Variants in SLC9A1 observed in about 807,000 individuals in gnomAD.
SLC9A1 encodes the protein solute carrier family 9 member A1, also known as sodium/hydrogen exchanger 1.
Under a neutral mutation model 67.9 loss-of-function variants are expected in SLC9A1, and 22 were observed. The ratio of observed to expected loss-of-function variants is 0.32; its 90% CI spans 0.23 to 0.46. The LOEUF is 0.46. SLC9A1 is among the 20% of genes least tolerant of loss of function. SLC9A1 has a pLI of 1.00. For synonymous variants in SLC9A1, 421 were observed against 471.8 expected (o/e 0.89, Z 1.40); for missense variants, 686 against 1,094.8 (o/e 0.63, Z 5.27).
At chr1:27,102,910 G>A (rs528531234) in intron 6 of SLC9A1, 167 bp from the exon 7 acceptor site, 13 of 659,648 alleles carry the variant, frequency 2.0e-5, no homozygotes, top group Middle Eastern at 4.0e-4. Flanking sequence ...CGAACCCAGC[G>A]GCCCTGACTC....
rs1313849972 is a variant in SLC9A1, at chr1:27,099,022, C to CT, written c.*1284dup. ...CCAGTCCCCTGCAAAAAGGGACACT[C>CT]TGACTATTGCACAATCCTGGGGGAG... On this transcript the variant is annotated 3_prime_UTR_variant, in exon 12 of 12. Transcript: ENST00000263980. 1 of 152,366 alleles carries CT rather than the reference C, an allele frequency of 6.6e-6. No individual in the cohort carries two copies. Among genetic ancestry groups the CT allele is most frequent in the Non-Finnish European group, 1.5e-5 (1 of 68,076 alleles). The allele number at this position is 152,366 out of a possible 1,614,324, so 9.4% of individuals were successfully genotyped here.
At chr1:27,113,061 T>C (rs2083241781) in intron 2 of SLC9A1, among the ~76,000 whole-genome samples, 1 of 152,000 alleles carries the variant, frequency 6.6e-6, no homozygotes, top group Admixed American at 6.6e-5. Context: ...TAACTTAAGA[T>C]ATAGCCAACA....
rs1213573204 is a variant in SLC9A1 at position 27,109,669 on chromosome 1, C to G, written c.922G>C (p.Val308Leu). 1 of 1,613,820 alleles carries G rather than the reference C, an allele frequency of 6.2e-7. No homozygotes were observed. The highest frequency in any genetic ancestry group is 8.5e-7 in the Non-Finnish European group (1 of 1,179,996). Residue 308 changes from valine (V) to leucine (L), a missense_variant, in exon 3 of 12, where the codon GTG becomes CTG. This residue lies in a region of SLC9A1 where 58 missense variants were observed against 68.9 expected (regional missense o/e 0.84). Coordinates refer to ENST00000263980, the MANE Select transcript of SLC9A1 (RefSeq NM_003047.5). This position sits in a 1 kb window ranked among gnomAD's most constrained non-coding sequence, Gnocchi z 5.5. ...GCGATGACCCCGTAGACCACGCCCA[C>G]AAGCACCCCGCCCAGGGCCACCACG... is the stretch of plus-strand genomic sequence containing the variant. ...FFVVALGGVL[V>L]GVVYGVIAAF...
intron 1 of SLC9A1, among the ~76,000 whole-genome samples, chr1:27,140,146 C>T (rs530796886): frequency 1.3e-5 from 2 of 152,066 alleles, no homozygotes; most frequent in East Asian, 1.9e-4. Flanking sequence ...GGAAGCCTTT[C>T]CTGACCCACC....
rs1006189764 is a variant in SLC9A1, at chr1:27,101,937, C to T, written c.1935+79G>A. ...GTCCTGGGGTGGGTGCCGAGGGGCA[C>T]GGGCAGGGCAGGGCTGCCGTAGAGA... On this transcript the variant is annotated intron_variant, in intron 9 of 11. Transcript: ENST00000263980. The surrounding 1 kb of genome is among the most constrained non-coding windows in gnomAD (Gnocchi z 4.9). The T allele has an allele frequency of 6.2e-5, 88 of 1,427,222 alleles. No homozygotes were observed. The highest frequency in any genetic ancestry group is 2.2e-4 in the Middle Eastern group (1 of 4,518). The allele number at this position is 1,427,222 out of a possible 1,614,324, so 88.4% of individuals were successfully genotyped here.
chr1:27,131,338 C>T (rs11811594), intron 1 of SLC9A1, among the ~76,000 whole-genome samples: 2,776 of 149,068 alleles, frequency 0.019, 85 homozygotes, highest in African/African-American at 0.064. Flanking sequence ...CACGCCTGTA[C>T]TCTCAGCACT....
chr1:27,100,369 T>C lies in SLC9A1; in HGVS notation c.2386A>G (p.Ser796Gly), dbSNP rs1468255602. 7.0e-6 allele frequency: 11 copies of C among 1,571,454 alleles called. No homozygotes were observed. The highest frequency in any genetic ancestry group is 9.5e-6 in the Non-Finnish European group (11 of 1,157,226). Residue 796 changes from serine to glycine, a missense_variant, in exon 12 of 12, where the codon AGT becomes GGT. Coordinates refer to ENST00000263980, the MANE Select transcript of SLC9A1 (RefSeq NM_003047.5). The surrounding 1 kb of genome is among the most constrained non-coding windows in gnomAD (Gnocchi z 5.6). ...GGCTCAGGGTGTGGGCCTGGGTCAC[T>C]GAGGCAGCGCTGTATCCTCTGGGAG... The part of the protein sequence containing the change: ...PSSQRIQRCL[S>G]DPGPHPEPGE...
chr1:27,100,357 G>A lies in SLC9A1; in HGVS notation c.2398C>T (p.Pro800Ser). The A allele has an allele frequency of 6.4e-7, 1 of 1,565,272 alleles. No individual in the cohort carries two copies. The highest frequency in any genetic ancestry group is 8.7e-7 in the Non-Finnish European group (1 of 1,154,124). The change falls in exon 12 of 12, where the codon CCA becomes TCA. Residue 800 changes from proline to serine, a missense_variant. Transcript: ENST00000263980. This position sits in a 1 kb window ranked among gnomAD's most constrained non-coding sequence, Gnocchi z 5.6. ...TCTCCCTCCCCAGGCTCAGGGTGTG[G>A]GCCTGGGTCACTGAGGCAGCGCTGT... is the stretch of plus-strand genomic sequence containing the variant. ...RIQRCLSDPGPHPEPGEGEPF... is the reference protein window; with the variant it reads ...RIQRCLSDPGSHPEPGEGEPF...
At chr1:27,129,892 C>G (rs939018095) in intron 1 of SLC9A1, among the ~76,000 whole-genome samples, 36 of 152,294 alleles carry the variant, frequency 2.4e-4, no homozygotes, top group African/African-American at 8.2e-4. Context: ...CCTCATTCTA[C>G]AGCTGAGGAA....
chr1:27,142,529 T>C (rs746242837), intron 1 of SLC9A1, among the ~76,000 whole-genome samples: 1 of 152,238 alleles, frequency 6.6e-6, no homozygotes, highest in African/African-American at 2.4e-5. Flanking sequence ...CCTCAAAGCC[T>C]GTCCACCTTC....
chr1:27,113,818 C>G lies in SLC9A1; in HGVS notation c.813+8G>C, dbSNP rs777716847. ...TTTGGACATGGGCATGGCCCCTGGC[C>G]TCCTCACCACAGTGACGGCGTCATT... On this transcript the variant is annotated splice_region_variant and intron_variant, in intron 2 of 11. Coordinates refer to ENST00000263980, the MANE Select transcript of SLC9A1 (RefSeq NM_003047.5). The G allele has an allele frequency of 6.2e-7, 1 of 1,605,332 alleles. No homozygotes were observed. Among genetic ancestry groups the G allele is most frequent in the South Asian group, 1.1e-5 (1 of 90,208 alleles).
At chr1:27,110,043 C>T (rs1348211174) in intron 2 of SLC9A1, among the ~76,000 whole-genome samples, 1 of 152,236 alleles carries the variant, frequency 6.6e-6, no homozygotes, top group Non-Finnish European at 1.5e-5. Flanking sequence ...ACTGCCTGGA[C>T]TGGAATCCTG....
intron 1 of SLC9A1, among the ~76,000 whole-genome samples, chr1:27,139,405 A>G (rs1423723749): frequency 6.6e-6 from 1 of 152,202 alleles, no homozygotes; most frequent in African/African-American, 2.4e-5. Flanking sequence ...ACTTTCCTAA[A>G]GTAGCTGTAA....
intron 1 of SLC9A1, among the ~76,000 whole-genome samples, chr1:27,152,571 A>G (rs765791808): frequency 1.3e-5 from 2 of 152,172 alleles, no homozygotes; most frequent in Non-Finnish European, 2.9e-5. Flanking sequence ...CAGCTATTCA[A>G]GGTCATGCAT....
At position 27,101,029 on chromosome 1, in the gene SLC9A1, C is replaced by T. The variant is rs1283600825; in HGVS notation, c.2110+174G>A. On this transcript the variant is annotated intron_variant, in intron 11 of 11. Coordinates refer to ENST00000263980, the MANE Select transcript of SLC9A1 (RefSeq NM_003047.5). This position sits in a 1 kb window ranked among gnomAD's most constrained non-coding sequence, Gnocchi z 4.9. ...CACAGTCCTCGCCCGGAACGTCTCT[C>T]TCCCTAGGGATGGCCCCTGACGTAG... 6.6e-6 allele frequency among the ~76,000 whole-genome samples: 1 copy of T among 152,206 alleles called. No individual in the cohort carries two copies. Among genetic ancestry groups the T allele is most frequent in the Admixed American group, 6.5e-5 (1 of 15,286 alleles).
intron 1 of SLC9A1, among the ~76,000 whole-genome samples, chr1:27,133,333 G>A (rs1324620470): frequency 1.3e-5 from 2 of 151,832 alleles, no homozygotes; most frequent in Admixed American, 6.6e-5. Context: ...GCCTCCCAAA[G>A]TGCTGTGATT....
rs983102354 is a variant in SLC9A1 at position 27,144,957 on chromosome 1, C to T, written c.352+9026G>A. ...CCTGCAGCTACTCTGGAGGCTGAGGCAGAATTGCTTGAACCTGGGAGGCAG... is the reference window on the plus strand; with the variant it reads ...CCTGCAGCTACTCTGGAGGCTGAGGTAGAATTGCTTGAACCTGGGAGGCAG... On this transcript the variant is annotated intron_variant, in intron 1 of 11. Transcript: ENST00000263980. Among the ~76,000 whole-genome samples, 19 of 151,160 alleles carry T rather than the reference C, an allele frequency of 1.3e-4. No homozygotes were observed. In the Admixed American group the frequency reaches 1.3e-3, roughly 10 times the overall value.
intron 1 of SLC9A1, among the ~76,000 whole-genome samples, chr1:27,136,664 C>T (rs552063851): frequency 2.7e-4 from 41 of 152,298 alleles, no homozygotes; most frequent in South Asian, 6.2e-4. Flanking sequence ...TACCCCTCTC[C>T]GGCTACATCC....
intron 2 of SLC9A1, among the ~76,000 whole-genome samples, chr1:27,110,364 A>G (rs2083219749): frequency 1.3e-5 from 2 of 152,142 alleles, no homozygotes; most frequent in Admixed American, 1.3e-4. Flanking sequence ...CTTTCTGAAA[A>G]TACACATGTT....
Sources: allele counts gnomAD v4.1 joint callset (sites outside exome capture counted in the v4.1 genomes callset), GRCh38; gene constraint gnomAD v4.1.1; regional missense constraint gnomAD v4.1.1; non-coding constraint Gnocchi (gnomAD v3.1); transcripts MANE v1.5; gene names NCBI Gene and HGNC (gene_info 2026-07-23, HGNC 2026-07-21).